Variants in HS3ST2 observed in about 807,000 individuals in gnomAD.
HS3ST2 encodes heparan sulfate glucosamine 3-O-sulfotransferase 2.
A neutral mutation model predicts 26.3 loss-of-function variants in HS3ST2; 17 were observed. The observed-to-expected ratio is 0.65, with a 90% CI of 0.44 to 0.97. HS3ST2 has a LOEUF of 0.97. Among genes scored for constraint, HS3ST2 ranks in the 50% least tolerant of loss-of-function variants. HS3ST2 has a pLI of 0.00. For synonymous variants in HS3ST2, 237 were observed against 219.2 expected, an observed-to-expected ratio of 1.08 and a Z score of -0.72; for missense variants, 402 against 501.2, an observed-to-expected ratio of 0.80 and a Z score of 1.89.
At chr16:22,872,441 C>A (rs974958260) in intron 1 of HS3ST2, among the ~76,000 whole-genome samples, 1 of 152,074 alleles carries the variant, frequency 6.6e-6, no homozygotes, top group Non-Finnish European at 1.5e-5. Flanking sequence ...AGAAAAAATT[C>A]TTTTATTGGG....
intron 1 of HS3ST2, among the ~76,000 whole-genome samples, chr16:22,913,727 G>A (rs1028633306): frequency 1.3e-5 from 2 of 152,212 alleles, no homozygotes; most frequent in African/African-American, 4.8e-5. Flanking sequence ...TTAGCCAGGT[G>A]CAGTGGCTTG....
chr16:22,910,037 CAAA>C (rs774757407), intron 1 of HS3ST2, among the ~76,000 whole-genome samples: 2 of 97,082 alleles, frequency 2.1e-5, no homozygotes, highest in South Asian at 4.1e-4. Flanking sequence ...AACTCCATCT[CAAA>C]AAAAAAAAAA....
At chr16:22,898,813 C>G (rs1483434118) in intron 1 of HS3ST2, among the ~76,000 whole-genome samples, 1 of 152,204 alleles carries the variant, frequency 6.6e-6, no homozygotes, top group African/African-American at 2.4e-5. Flanking sequence ...GTGCATGGCC[C>G]TTGCTCCCTC....
chr16:22,819,029 T>C (rs1257105310), intron 1 of HS3ST2, among the ~76,000 whole-genome samples: 2 of 56,600 alleles, frequency 3.5e-5, no homozygotes, highest in African/African-American at 1.5e-4. Flanking sequence ...CTTCCTTCCT[T>C]CCTTCCTTCA....
At chr16:22,884,352 G>A (rs1311048502) in intron 1 of HS3ST2, among the ~76,000 whole-genome samples, 3 of 152,152 alleles carry the variant, frequency 2.0e-5, no homozygotes, top group African/African-American at 7.2e-5. Context: ...GTTAGAGGTT[G>A]GGCTGACTTT....
At chr16:22,832,802 C>G (rs549555553) in intron 1 of HS3ST2, among the ~76,000 whole-genome samples, 4 of 151,554 alleles carry the variant, frequency 2.6e-5, no homozygotes, top group African/African-American at 9.7e-5. Flanking sequence ...TTTCCCCAAA[C>G]AAGACAGTTC....
At chr16:22,851,274 T>C (rs1383453310) in intron 1 of HS3ST2, among the ~76,000 whole-genome samples, 1 of 152,232 alleles carries the variant, frequency 6.6e-6, no homozygotes, top group Admixed American at 6.5e-5. Context: ...GGGGCACATA[T>C]TACATCATTT....
chr16:22,894,621 G>A (rs1440596441), intron 1 of HS3ST2, among the ~76,000 whole-genome samples: 1 of 152,012 alleles, frequency 6.6e-6, no homozygotes, highest in Non-Finnish European at 1.5e-5. Flanking sequence ...CTCAGGGCCG[G>A]GTGCAGTGAC....
chr16:22,814,947 C>A lies in HS3ST2; in HGVS notation c.337C>A (p.Arg113=), dbSNP rs753948466. 10 of 1,610,956 alleles carry A rather than the reference C, an allele frequency of 6.2e-6. No individual in the cohort carries two copies. In the South Asian group the frequency reaches 9.9e-5, roughly 16 times the overall value. Reference sequence around the variant, plus strand: ...CGGCTCACCCAAGCTGGGTACCAAGCGGTTGCCCCAAGCCCTCATTGTGGG... The same window carrying A: ...CGGCTCACCCAAGCTGGGTACCAAGAGGTTGCCCCAAGCCCTCATTGTGGG... The part of the protein sequence containing the change: ...HSGSPKLGTK[R]LPQALIVGVK... The change falls in exon 1 of 2, where the codon CGG becomes AGG. Residue 113 remains arginine (R), a synonymous_variant. Transcript: ENST00000261374.
intron 1 of HS3ST2, among the ~76,000 whole-genome samples, chr16:22,904,086 A>G (rs1013247482): frequency 4.6e-5 from 7 of 152,154 alleles, no homozygotes; most frequent in African/African-American, 1.4e-4. Flanking sequence ...GCTGCCCAGC[A>G]CCTGAATACC....
At chr16:22,863,792 A>G (rs940812346) in intron 1 of HS3ST2, among the ~76,000 whole-genome samples, 5 of 152,122 alleles carry the variant, frequency 3.3e-5, no homozygotes, top group African/African-American at 1.2e-4. Flanking sequence ...AGCATAACCC[A>G]TAGCTCTCCA....
intron 1 of HS3ST2, among the ~76,000 whole-genome samples, chr16:22,905,423 T>G (rs1902338774): frequency 6.6e-6 from 1 of 151,526 alleles, no homozygotes; most frequent in Non-Finnish European, 1.5e-5. Context: ...TTTTTGTGTT[T>G]GTTTTTTTTT....
intron 1 of HS3ST2, among the ~76,000 whole-genome samples, chr16:22,848,480 T>C (rs1901476268): frequency 1.3e-5 from 2 of 152,144 alleles, no homozygotes; most frequent in African/African-American, 2.4e-5. Flanking sequence ...GAGCAGAAGA[T>C]GATGGCTTTA....
chr16:22,814,741 T>C lies in HS3ST2; in HGVS notation c.131T>C (p.Leu44Pro), dbSNP rs191390281. ...AGCTTCCTGTGCTGCTGCGACGACC[T>C]GGGTCGGAGCCGCCTCCTCGGCGCG... ...CYSFLCCCDD[L>P]GRSRLLGAPR... The change falls in exon 1 of 2, where the codon CTG becomes CCG. Residue 44 changes from leucine to proline, a missense_variant. Physicochemically the swap from Leu to Pro is moderately conservative, Grantham distance 98 (BLOSUM62 -3). This residue lies in a region of HS3ST2 where 165 missense variants were observed against 154.6 expected (regional missense o/e 1.07). Transcript: ENST00000261374. 567 of 1,608,654 alleles carry C rather than the reference T, an allele frequency of 3.5e-4. No individual in the cohort carries two copies. Among genetic ancestry groups the C allele is most frequent in the Non-Finnish European group, 4.4e-4 (515 of 1,178,346 alleles).
chr16:22,849,180 C>G (rs768195208), intron 1 of HS3ST2, among the ~76,000 whole-genome samples: 1 of 152,158 alleles, frequency 6.6e-6, no homozygotes, highest in Non-Finnish European at 1.5e-5. Context: ...TAGACCCACT[C>G]TCTGGCAGTT....
chr16:22,863,666 A>T (rs1352691572), intron 1 of HS3ST2, among the ~76,000 whole-genome samples: 5 of 152,148 alleles, frequency 3.3e-5, no homozygotes, highest in Non-Finnish European at 1.5e-5. Flanking sequence ...GGCTGCCCCT[A>T]AAATCATCAG....
At chr16:22,886,653 T>C (rs1902063366) in intron 1 of HS3ST2, among the ~76,000 whole-genome samples, 1 of 152,198 alleles carries the variant, frequency 6.6e-6, no homozygotes, top group Non-Finnish European at 1.5e-5. Flanking sequence ...TTCATAGATT[T>C]GAAGAAACAA....
intron 1 of HS3ST2, among the ~76,000 whole-genome samples, chr16:22,903,978 G>A (rs544573183): frequency 3.3e-5 from 5 of 152,242 alleles, no homozygotes; most frequent in Admixed American, 1.3e-4. Context: ...CTCTTATAGC[G>A]CAGGGATTAG....
At chr16:22,861,811 C>T (rs969633060) in intron 1 of HS3ST2, among the ~76,000 whole-genome samples, 6 of 152,108 alleles carry the variant, frequency 3.9e-5, no homozygotes, top group Admixed American at 1.3e-4. Context: ...CCACAGTGCC[C>T]TCTCTGGCTT....
Sources: allele counts gnomAD v4.1 joint callset (sites outside exome capture counted in the v4.1 genomes callset), GRCh38; gene constraint gnomAD v4.1.1; regional missense constraint gnomAD v4.1.1; transcripts MANE v1.5; gene names NCBI Gene and HGNC (gene_info 2026-07-23, HGNC 2026-07-21).